Variants in STK32B observed in about 807,000 individuals in gnomAD.
STK32B encodes the protein serine/threonine-protein kinase 32B.
In STK32B, 43 loss-of-function variants were observed where a neutral mutation model predicts 52.6. The observed-to-expected ratio is 0.82, with a 90% CI of 0.64 to 1.05. The LOEUF (loss-of-function observed/expected upper bound fraction) is 1.05, where lower values mean the gene tolerates loss of function less well. STK32B is among the 50% of genes least tolerant of loss of function. The pLI, the probability that STK32B is intolerant of heterozygous loss-of-function variation, is 0.00. For missense variants in STK32B, 621 were observed against 534.6 expected (o/e 1.16, Z -1.59); for synonymous variants, 238 against 204.3 (o/e 1.17, Z -1.41).
chr4:5,456,995 G>A (rs139163128), intron 8 of STK32B, 72 bp downstream of exon 8: 308 of 1,091,170 alleles, frequency 2.8e-4, no homozygotes, highest in Middle Eastern at 5.8e-4. Flanking sequence ...ATCAGCAAAC[G>A]AAGGGGTGAG....
intron 4 of STK32B, among the ~76,000 whole-genome samples, chr4:5,376,827 G>A (rs1433290483): frequency 6.6e-6 from 1 of 152,114 alleles, no homozygotes; most frequent in Non-Finnish European, 1.5e-5. Context: ...TCCTGGGCCA[G>A]TTCTCCCCAC....
intron 3 of STK32B, among the ~76,000 whole-genome samples, chr4:5,298,049 C>A (rs1344535653): frequency 1.3e-5 from 2 of 152,152 alleles, no homozygotes; most frequent in South Asian, 4.1e-4. Context: ...CCCTCTTCTG[C>A]AGGTCTGCTG....
At chr4:5,111,368 T>A (rs952601105) in intron 1 of STK32B, among the ~76,000 whole-genome samples, 3 of 152,084 alleles carry the variant, frequency 2.0e-5, no homozygotes, top group Non-Finnish European at 4.4e-5. Context: ...AATCTAAGTG[T>A]CCATCAGCAG....
At chr4:5,449,087 A>G (rs971713465) in intron 7 of STK32B, among the ~76,000 whole-genome samples, 1 of 152,176 alleles carries the variant, frequency 6.6e-6, no homozygotes, top group Admixed American at 6.5e-5. Flanking sequence ...CAGATCTGTA[A>G]TCCCAGTTCT....
chr4:5,281,905 A>G (rs1728225276), intron 3 of STK32B, among the ~76,000 whole-genome samples: 1 of 152,172 alleles, frequency 6.6e-6, no homozygotes, highest in Non-Finnish European at 1.5e-5. Context: ...CATATGTTAC[A>G]TATTTTTTCT....
intron 3 of STK32B, among the ~76,000 whole-genome samples, chr4:5,179,550 C>G (rs1361398484): frequency 1.3e-5 from 2 of 151,988 alleles, no homozygotes; most frequent in Non-Finnish European, 2.9e-5. Context: ...ACTAGATTAA[C>G]AGATGATAGA....
intron 4 of STK32B, among the ~76,000 whole-genome samples, chr4:5,333,410 T>C (rs977086039): frequency 6.6e-6 from 1 of 152,220 alleles, no homozygotes; most frequent in Non-Finnish European, 1.5e-5. Flanking sequence ...GGGAAAATGT[T>C]CTCCCATTTT....
intron 4 of STK32B, among the ~76,000 whole-genome samples, chr4:5,338,940 G>A (rs1238380916): frequency 6.6e-6 from 1 of 152,178 alleles, no homozygotes; most frequent in East Asian, 1.9e-4. Flanking sequence ...GCTTCCAGAG[G>A]AGATCAGCAT....
chr4:5,293,234 T>C (rs1317600258), intron 3 of STK32B, among the ~76,000 whole-genome samples: 2 of 152,086 alleles, frequency 1.3e-5, no homozygotes, highest in African/African-American at 4.8e-5. Context: ...CTATTGTAAA[T>C]AGTGCTGCAA....
At chr4:5,113,722 G>A (rs549474312) in intron 1 of STK32B, among the ~76,000 whole-genome samples, 112 of 152,172 alleles carry the variant, frequency 7.4e-4, no homozygotes, top group African/African-American at 2.3e-3. Flanking sequence ...GTCTGCTTCC[G>A]CCTACCTGTA....
intron 1 of STK32B, among the ~76,000 whole-genome samples, chr4:5,122,295 C>G (rs932900121): frequency 6.7e-6 from 1 of 149,568 alleles, no homozygotes; most frequent in African/African-American, 2.6e-5. Context: ...TTCACTCACC[C>G]ATTCATGCAT....
intron 3 of STK32B, among the ~76,000 whole-genome samples, chr4:5,187,793 C>T (rs1003695603): frequency 1.3e-5 from 2 of 152,202 alleles, no homozygotes; most frequent in African/African-American, 4.8e-5. Flanking sequence ...CTGCCAGACT[C>T]AGATCTAACA....
At chr4:5,296,095 G>C (rs888502147) in intron 3 of STK32B, among the ~76,000 whole-genome samples, 1 of 152,084 alleles carries the variant, frequency 6.6e-6, no homozygotes, top group Non-Finnish European at 1.5e-5. Flanking sequence ...TCTTAATCTG[G>C]AGTTCTAATT....
chr4:5,438,252 G>A (rs1040374381), intron 6 of STK32B, among the ~76,000 whole-genome samples: 4 of 152,242 alleles, frequency 2.6e-5, no homozygotes, highest in Non-Finnish European at 5.9e-5. Flanking sequence ...GTCCCTGTAG[G>A]CTGAAGCCCA....
chr4:5,242,589 C>G (rs568602833), intron 3 of STK32B, among the ~76,000 whole-genome samples: 13 of 152,238 alleles, frequency 8.5e-5, no homozygotes, highest in Admixed American at 8.5e-4. Context: ...TAATTAGATC[C>G]CATTTGTCAA....
chr4:5,416,962 T>C (rs1016196251), intron 6 of STK32B, 28 bp downstream of exon 6: 1 of 1,590,578 alleles, frequency 6.3e-7, no homozygotes, highest in Non-Finnish European at 8.6e-7. Flanking sequence ...CTTCTTTTCA[T>C]GTGATCGGGC....
chr4:5,347,783 C>T, intron 4 of STK32B, among the ~76,000 whole-genome samples: 1 of 152,138 alleles, frequency 6.6e-6, no homozygotes, highest in East Asian at 1.9e-4. Flanking sequence ...TGGCACTTCC[C>T]TCTTTGCTCT....
intron 3 of STK32B, among the ~76,000 whole-genome samples, chr4:5,229,090 A>G (rs1424071051): frequency 6.6e-6 from 1 of 152,246 alleles, no homozygotes; most frequent in Non-Finnish European, 1.5e-5. Flanking sequence ...ATATACTAAC[A>G]AAGTCAGCAC....
At chr4:5,126,751 C>G (rs1487638060) in intron 1 of STK32B, among the ~76,000 whole-genome samples, 1 of 152,294 alleles carries the variant, frequency 6.6e-6, no homozygotes, top group East Asian at 1.9e-4. Flanking sequence ...ACTATATCAC[C>G]TGTAAAGGCC....
Sources: allele counts gnomAD v4.1 joint callset (sites outside exome capture counted in the v4.1 genomes callset), GRCh38; gene constraint gnomAD v4.1.1; transcripts MANE v1.5; gene names NCBI Gene and HGNC (gene_info 2026-07-23, HGNC 2026-07-21).